Variants in PRRC2B observed in about 807,000 individuals in gnomAD.
PRRC2B encodes the protein proline rich coiled-coil 2B.
PRRC2B carries 68 observed loss-of-function variants against 242.3 expected under a neutral mutation model. The observed-to-expected ratio is 0.28, with a 90% confidence interval of 0.23 to 0.34. PRRC2B has a LOEUF of 0.34. PRRC2B is among the 10% of genes least tolerant of loss of function. The pLI is 1.00. For synonymous variants in PRRC2B, 1,228 were observed against 1,173.6 expected, an observed-to-expected ratio of 1.05 and a Z score of -0.95; for missense variants, 2,835 against 2,954.8, an observed-to-expected ratio of 0.96 and a Z score of 0.94.
intron 25 of PRRC2B, chr9:131,485,788 G>T: frequency 1.5e-6 from 1 of 671,660 alleles, no homozygotes; most frequent in Admixed American, 1.8e-5. Flanking sequence ...GCCCCTTCGA[G>T]TGTCTGGGGT....
chr9:131,432,495 T>G (rs1838211057), intron 2 of PRRC2B, 122 bp from the exon 3 acceptor site: 3 of 953,824 alleles, frequency 3.1e-6, no homozygotes, highest in Non-Finnish European at 4.7e-6. Context: ...CTGCCCTTTG[T>G]TTTTTGTTGG....
chr9:131,496,045 C>T lies in PRRC2B; in HGVS notation c.*171C>T, dbSNP rs1944326486. 2.3e-6 allele frequency: 2 copies of T among 888,620 alleles called. No individual in the cohort carries two copies. Among genetic ancestry groups the T allele is most frequent in the Non-Finnish European group, 3.3e-6 (2 of 600,450 alleles). 55.0% of individuals were successfully genotyped at this position (888,620 alleles called of 1,614,324 possible). ...AAGCTCCGTTGTCAACCAGCTTGCA[C>T]CCGTGGATATATGGCATTGACCCGC... On this transcript the variant is annotated 3_prime_UTR_variant, in exon 32 of 32. Transcript: ENST00000683519.
intron 12 of PRRC2B, among the ~76,000 whole-genome samples, chr9:131,466,624 C>CTT (rs11409798): frequency 6.7e-4 from 99 of 147,812 alleles, no homozygotes; most frequent in South Asian, 2.3e-3. Flanking sequence ...TCTATCAGTC[C>CTT]TTTTTTTTTT....
rs745400882 is a variant in PRRC2B, at chr9:131,447,205, G to A, written c.976G>A (p.Gly326Arg). Residue 326 changes from glycine to arginine, a missense_variant and splice_region_variant, in exon 8 of 32, where the codon GGA becomes AGA. Gly to Arg is a moderately radical substitution (Grantham distance 125). Transcript: ENST00000683519. ...FRQFQMNDQD[G>R]KENRLGLSRP... ...ACAGTTCCAGATGAATGACCAAGACGGGTGAGTCCATTGCATTACAGTCAC... is the reference window on the plus strand; with the variant it reads ...ACAGTTCCAGATGAATGACCAAGACAGGTGAGTCCATTGCATTACAGTCAC... 9.3e-6 allele frequency: 15 copies of A among 1,613,916 alleles called. No homozygotes were observed. Among genetic ancestry groups the A allele is most frequent in the Admixed American group, 5.0e-5 (3 of 60,014 alleles).
At chr9:131,437,528 G>A (rs142816385) in intron 4 of PRRC2B, among the ~76,000 whole-genome samples, 4 of 152,164 alleles carry the variant, frequency 2.6e-5, no homozygotes, top group Non-Finnish European at 4.4e-5. Context: ...AAAAGTAGAC[G>A]TAGATATCTC....
chr9:131,478,379 A>G (rs1254892597), intron 17 of PRRC2B, 95 bp from the exon 18 acceptor site: 3 of 1,215,450 alleles, frequency 2.5e-6, no homozygotes, highest in African/African-American at 3.0e-5. Context: ...GTTTCTGTCG[A>G]GCCTGATGCT....
At chr9:131,444,699 G>A (rs1471736035) in intron 6 of PRRC2B, among the ~76,000 whole-genome samples, 1 of 152,160 alleles carries the variant, frequency 6.6e-6, no homozygotes, top group Non-Finnish European at 1.5e-5. Context: ...GGAATCACTG[G>A]GGAGTTTGTG....
Position 131,484,749 on chromosome 9 carries a change from C to G in PRRC2B, c.5524C>G (p.Leu1842Val). The change falls in exon 24 of 32, where the codon CTC becomes GTC. Residue 1842 changes from leucine (L) to valine (V), a missense_variant. Around this residue, in one of 7 missense-constraint regions of PRRC2B, gnomAD observed 574 missense variants for 626.0 expected, o/e 0.92. Transcript: ENST00000683519. Reference protein sequence around the residue: ...RDHHIQRAIGLSPMSFPTADL... With the variant: ...RDHHIQRAIGVSPMSFPTADL... ...CCATCACATCCAGAGGGCCATCGGT[C>G]TCTCCCCAATGTCCTTCCCCACCGC... The G allele has an allele frequency of 3.7e-6, 6 of 1,613,054 alleles. No homozygotes were observed. Among genetic ancestry groups the G allele is most frequent in the Non-Finnish European group, 5.1e-6 (6 of 1,179,438 alleles).
intron 30 of PRRC2B, among the ~76,000 whole-genome samples, chr9:131,493,782 G>A (rs541372889): frequency 6.6e-5 from 10 of 152,214 alleles, no homozygotes; most frequent in Non-Finnish European, 1.5e-4. Flanking sequence ...GCCTGCTGGG[G>A]AGGGTACTCA....
intron 16 of PRRC2B, among the ~76,000 whole-genome samples, chr9:131,477,056 C>A (rs1454469787): frequency 1.3e-5 from 2 of 152,218 alleles, no homozygotes; most frequent in Non-Finnish European, 2.9e-5. Flanking sequence ...CAGAGGGGAG[C>A]AGGCTGCACA....
In PRRC2B at chr9:131,451,717, C is replaced by T. The variant is rs533228511; in HGVS notation, c.1121-3359C>T. ...TGGGTTTTTCAGAGATGCTGTTTAT[C>T]AGGTTGAGGATGTGTTGCCTTCTGT... On this transcript the variant is annotated intron_variant, in intron 9 of 31. Coordinates refer to ENST00000683519, the MANE Select transcript of PRRC2B (RefSeq NM_013318.4). Among the ~76,000 whole-genome samples, 4 of 152,216 alleles carry T rather than the reference C, an allele frequency of 2.6e-5. No homozygotes were observed. In the South Asian group the frequency reaches 6.2e-4, roughly 24 times the overall value.
At position 131,487,891 on chromosome 9, in the gene PRRC2B, C is replaced by T; in HGVS notation, c.6020C>T (p.Pro2007Leu). ...TACATGCACCCCAGCCTGTCACCGC[C>T]CAGCACCATGATCCTCTCTGGGGGC... The part of the protein sequence containing the change: ...QVYMHPSLSP[P>L]STMILSGGTA... Residue 2007 changes from proline to leucine, a missense_variant, in exon 28 of 32, where the codon CCC becomes CTC. Pro to Leu is a moderately conservative substitution (Grantham distance 98). Transcript: ENST00000683519. The surrounding 1 kb of genome is among the most constrained non-coding windows in gnomAD (Gnocchi z 5.3). 1.9e-6 allele frequency: 3 copies of T among 1,613,420 alleles called. No individual in the cohort carries two copies. Among genetic ancestry groups the T allele is most frequent in the Non-Finnish European group, 2.5e-6 (3 of 1,179,388 alleles).
At chr9:131,405,016 T>C (rs1188570020) in intron 1 of PRRC2B, among the ~76,000 whole-genome samples, 2 of 152,256 alleles carry the variant, frequency 1.3e-5, no homozygotes, top group African/African-American at 4.8e-5. Context: ...TCAGCTTATA[T>C]GTGTGAGCGT....
chr9:131,464,092 C>G (rs1943323038), intron 11 of PRRC2B, among the ~76,000 whole-genome samples: 2 of 152,066 alleles, frequency 1.3e-5, no homozygotes, highest in Admixed American at 1.3e-4. Flanking sequence ...CAGGTGCACT[C>G]CGCCATGCCC....
intron 1 of PRRC2B, among the ~76,000 whole-genome samples, chr9:131,386,457 C>T (rs1384613193): frequency 1.3e-5 from 2 of 150,180 alleles, no homozygotes; most frequent in Non-Finnish European, 3.0e-5. Flanking sequence ...GCAGCAGCTC[C>T]CACTGTCCCC....
In PRRC2B at chr9:131,421,882, C is replaced by A. The variant is rs115324010; in HGVS notation, c.-51-8212C>A. On this transcript the variant is annotated intron_variant, in intron 1 of 31. Transcript: ENST00000683519. ...TGACTTATATCAGAACCCATTGTGC[C>A]GCCTTTCGTGTCTGCACCGGTACTC... Among the ~76,000 whole-genome samples the A allele has an allele frequency of 1.8e-4, 28 of 152,234 alleles. No individual in the cohort carries two copies. The East Asian group carries it at 2.7e-3, about 15-fold the overall frequency.
intron 1 of PRRC2B, among the ~76,000 whole-genome samples, chr9:131,423,993 T>G (rs112460638): frequency 0.14 from 21,872 of 151,902 alleles, 1,801 homozygotes; most frequent in African/African-American, 0.21. Context: ...TGTAGTGCAG[T>G]GGCCCAATCT....
rs756930239 is a variant in PRRC2B at position 131,464,813 on chromosome 9, G to A, written c.1455G>A (p.Glu485=). The A allele has an allele frequency of 1.1e-5, 17 of 1,612,876 alleles. No individual in the cohort carries two copies. The highest frequency in any genetic ancestry group is 1.4e-5 in the Non-Finnish European group (16 of 1,179,196). The change falls in exon 12 of 32, where the codon GAG becomes GAA. Residue 485 remains glutamate (E), a synonymous_variant. Coordinates refer to ENST00000683519, the MANE Select transcript of PRRC2B (RefSeq NM_013318.4). ...GGCAACAGTCCATCGAGGACAAGGA[G>A]GACAAGCCCCCACCAAGGCAGAAGT... ...MFRQQSIEDK[E]DKPPPRQKFI... is the part of the protein sequence containing the mutation.
chr9:131,378,879 C>T (rs900936105), intron 1 of PRRC2B, among the ~76,000 whole-genome samples: 3 of 151,994 alleles, frequency 2.0e-5, no homozygotes, highest in Admixed American at 6.6e-5. Context: ...CCACCACACC[C>T]GGCTAATTTT....
Sources: gnomAD v4.1 joint callset for allele counts (sites outside exome capture counted in the v4.1 genomes callset) on GRCh38, gnomAD v4.1.1 for gene constraint, gnomAD v4.1.1 regional missense constraint, Gnocchi (gnomAD v3.1) non-coding constraint, MANE v1.5 for transcripts, NCBI Gene and HGNC (gene_info 2026-07-23, HGNC 2026-07-21) for gene names.